KIAA1958: variants seen among roughly 807,000 people sequenced by gnomAD.
The protein encoded by KIAA1958 is KIAA1958.
A neutral mutation model predicts 47.2 loss-of-function variants in KIAA1958; 14 were observed. The ratio of observed to expected loss-of-function variants is 0.30; its 90% CI spans 0.20 to 0.46. The LOEUF (loss-of-function observed/expected upper bound fraction) is 0.46. Among genes scored for constraint, KIAA1958 ranks in the 20% least tolerant of loss-of-function variants. KIAA1958 has a pLI of 1.00. For missense variants in KIAA1958, 803 were observed against 909.2 expected (o/e 0.88, Z 1.50); for synonymous variants, 354 against 353.3 (o/e 1.00, Z -0.02).
intron 3 of KIAA1958, among the ~76,000 whole-genome samples, chr9:112,657,664 T>A (rs1337199556): frequency 2.0e-5 from 3 of 151,872 alleles, no homozygotes; most frequent in East Asian, 1.9e-4. Flanking sequence ...AAAAAAAAAA[T>A]TTTATTGGGA....
Position 112,574,416 on chromosome 9 carries a change from C to T in KIAA1958, c.336C>T (p.Asp112=). 1 of 1,614,158 alleles carries T rather than the reference C, an allele frequency of 6.2e-7. No homozygotes were observed. Among genetic ancestry groups the T allele is most frequent in the Non-Finnish European group, 8.5e-7 (1 of 1,179,990 alleles). The change falls in exon 2 of 4, where the codon GAC becomes GAT. Residue 112 remains aspartate, a synonymous_variant. Coordinates refer to ENST00000337530, the MANE Select transcript of KIAA1958 (RefSeq NM_133465.4). The part of the protein sequence containing the change: ...YPGRPVKAKL[D]CNRTRDSCDF... ...GGAGACCAGTGAAAGCAAAGCTAGACTGTAACCGGACCAGAGACTCTTGTG... is the reference window on the plus strand; with the variant it reads ...GGAGACCAGTGAAAGCAAAGCTAGATTGTAACCGGACCAGAGACTCTTGTG...
intron 2 of KIAA1958, among the ~76,000 whole-genome samples, chr9:112,621,912 G>T (rs978235011): frequency 6.6e-6 from 1 of 152,038 alleles, no homozygotes; most frequent in African/African-American, 2.4e-5. Flanking sequence ...ATCACACTTG[G>T]CTAATTTTTT....
At chr9:112,611,315 T>C (rs571640955) in intron 2 of KIAA1958, among the ~76,000 whole-genome samples, 15 of 152,264 alleles carry the variant, frequency 9.9e-5, no homozygotes, top group Admixed American at 2.0e-4. Context: ...TGTAATTGTA[T>C]ACTTGGAATG....
intron 1 of KIAA1958, among the ~76,000 whole-genome samples, chr9:112,525,705 A>G (rs1183965198): frequency 5.3e-5 from 8 of 152,156 alleles, no homozygotes; most frequent in African/African-American, 9.6e-5. Flanking sequence ...ATAGAATTTC[A>G]TAATTTTACT....
intron 1 of KIAA1958, among the ~76,000 whole-genome samples, chr9:112,572,763 G>T (rs1033108892): frequency 1.3e-5 from 2 of 152,224 alleles, no homozygotes; most frequent in Non-Finnish European, 2.9e-5. Context: ...GGCCATGGTC[G>T]TAGGAAATGA....
At chr9:112,541,778 C>T (rs1166716753) in intron 1 of KIAA1958, among the ~76,000 whole-genome samples, 1 of 151,924 alleles carries the variant, frequency 6.6e-6, no homozygotes, top group Non-Finnish European at 1.5e-5. Context: ...GCATTCCATC[C>T]TTGGTGACAG....
chr9:112,620,603 A>G (rs1454457686), intron 2 of KIAA1958, among the ~76,000 whole-genome samples: 2 of 152,184 alleles, frequency 1.3e-5, no homozygotes, highest in Non-Finnish European at 1.5e-5. Context: ...CCTCATGTTC[A>G]TGACTTTTCC....
chr9:112,597,233 A>G (rs1448613458), intron 2 of KIAA1958, among the ~76,000 whole-genome samples: 1 of 152,166 alleles, frequency 6.6e-6, no homozygotes, highest in Non-Finnish European at 1.5e-5. Flanking sequence ...TGTGATTACT[A>G]CATGCAAAAT....
At chr9:112,633,551 G>A (rs1836746866) in intron 2 of KIAA1958, among the ~76,000 whole-genome samples, 1 of 151,870 alleles carries the variant, frequency 6.6e-6, no homozygotes, top group Admixed American at 6.6e-5. Context: ...TAATTTTTAT[G>A]ACGCTAATAT....
intron 1 of KIAA1958, among the ~76,000 whole-genome samples, chr9:112,489,883 A>G (rs1833933209): frequency 6.6e-6 from 1 of 152,244 alleles, no homozygotes; most frequent in African/African-American, 2.4e-5. Flanking sequence ...TGGCCACTTT[A>G]TGTTAACTGG....
At chr9:112,492,917 T>A (rs1348016965) in intron 1 of KIAA1958, among the ~76,000 whole-genome samples, 1 of 7,164 alleles carries the variant, frequency 1.4e-4, no homozygotes, top group East Asian at 1.7e-3. Flanking sequence ...CCCAGCTCAC[T>A]TTTTTTTTTT....
chr9:112,540,802 ACTTCC>A (rs1834928033), intron 1 of KIAA1958, among the ~76,000 whole-genome samples: 1 of 151,430 alleles, frequency 6.6e-6, no homozygotes, highest in Admixed American at 6.6e-5. Flanking sequence ...TGTAGCCTCG[ACTTCC>A]CGGGATTAGG....
At chr9:112,554,237 C>T (rs538296633) in intron 1 of KIAA1958, among the ~76,000 whole-genome samples, 2 of 152,218 alleles carry the variant, frequency 1.3e-5, no homozygotes, top group East Asian at 1.9e-4. Context: ...CGGTGGCTCA[C>T]GTCTGTAATC....
At chr9:112,499,140 C>T (rs1834093273) in intron 1 of KIAA1958, among the ~76,000 whole-genome samples, 1 of 152,118 alleles carries the variant, frequency 6.6e-6, no homozygotes, top group African/African-American at 2.4e-5. Flanking sequence ...ATCCATGCAT[C>T]GGTTGATGGA....
At chr9:112,535,170 A>C (rs1483735913) in intron 1 of KIAA1958, among the ~76,000 whole-genome samples, 1 of 152,230 alleles carries the variant, frequency 6.6e-6, no homozygotes, top group Non-Finnish European at 1.5e-5. Flanking sequence ...ACAATATTGT[A>C]CAATAAAGCT....
chr9:112,502,210 C>T (rs142445566), intron 1 of KIAA1958, among the ~76,000 whole-genome samples: 1 of 152,284 alleles, frequency 6.6e-6, no homozygotes, highest in African/African-American at 2.4e-5. Context: ...ATGAACATAT[C>T]AATATGTATA....
At chr9:112,543,567 C>CTTTTTT (rs138422704) in intron 1 of KIAA1958, among the ~76,000 whole-genome samples, 1 of 108,182 alleles carries the variant, frequency 9.2e-6, no homozygotes, top group African/African-American at 3.5e-5. Flanking sequence ...TTCTGAGCTT[C>CTTTTTT]TTTTTTTTTT....
intron 2 of KIAA1958, among the ~76,000 whole-genome samples, chr9:112,642,039 G>T (rs984639052): frequency 1.3e-5 from 2 of 152,162 alleles, no homozygotes; most frequent in Non-Finnish European, 2.9e-5. Flanking sequence ...TCATGCTACT[G>T]GTTTTCCCCA....
chr9:112,640,278 A>G (rs1339870739), intron 2 of KIAA1958, among the ~76,000 whole-genome samples: 1 of 152,170 alleles, frequency 6.6e-6, no homozygotes, highest in African/African-American at 2.4e-5. Context: ...CCCTTCCTGG[A>G]TTTCAAATGA....
Sources: allele counts gnomAD v4.1 joint callset (sites outside exome capture counted in the v4.1 genomes callset), GRCh38; gene constraint gnomAD v4.1.1; transcripts MANE v1.5; gene names NCBI Gene and HGNC (gene_info 2026-07-23, HGNC 2026-07-21).